Variants in GALNTL6 observed in about 807,000 individuals in gnomAD.
GALNTL6 encodes polypeptide N-acetylgalactosaminyltransferase like 6.
A neutral mutation model predicts 73.7 loss-of-function variants in GALNTL6; 46 were observed. The observed-to-expected ratio is 0.62, with a 90% CI of 0.49 to 0.80. The LOEUF (loss-of-function observed/expected upper bound fraction) is 0.80. Ranked by LOEUF, GALNTL6 falls within the 30% of genes least tolerant of loss-of-function variation. The probability of loss-of-function intolerance (pLI) is 0.00; values close to 1 mark genes in which losing one functional copy is unlikely to be tolerated. For missense variants in GALNTL6, 604 were observed against 755.0 expected (o/e 0.80, Z 2.34); for synonymous variants, 259 against 263.7 (o/e 0.98, Z 0.17).
intron 2 of GALNTL6, among the ~76,000 whole-genome samples, chr4:172,225,344 T>C (rs76610168): frequency 0.01 from 1,530 of 152,050 alleles, 28 homozygotes; most frequent in African/African-American, 0.035. Context: ...CTAGTCTTTA[T>C]ATTGGTCATC....
chr4:172,619,397 G>A (rs1257710391), intron 5 of GALNTL6, among the ~76,000 whole-genome samples: 1 of 152,026 alleles, frequency 6.6e-6, no homozygotes, highest in Non-Finnish European at 1.5e-5. Context: ...TTTTCATTCT[G>A]CCAATTCATT....
chr4:172,097,459 A>T (rs147448928), intron 2 of GALNTL6, among the ~76,000 whole-genome samples: 30 of 152,274 alleles, frequency 2.0e-4, no homozygotes, highest in African/African-American at 7.0e-4. Flanking sequence ...TGAGAGTGGA[A>T]CTTCTGGGAA....
Position 172,511,875 on chromosome 4 carries a change from G to A in GALNTL6, c.553+163186G>A, listed in dbSNP as rs1365506568. ...AGTCTATCATATAGTCTATCTTGGAGAATGTTCCATGAGCTGATAAATGAG... is the reference window on the plus strand; with the variant it reads ...AGTCTATCATATAGTCTATCTTGGAAAATGTTCCATGAGCTGATAAATGAG... On this transcript the variant is annotated intron_variant, in intron 5 of 12. Transcript: ENST00000506823. Among the ~76,000 whole-genome samples, 3 of 55,116 alleles carry A rather than the reference G, an allele frequency of 5.4e-5. 1 individual carries two copies. The highest frequency in any genetic ancestry group is 1.4e-4 in the African/African-American group (3 of 22,176). The allele number at this position is 55,116 out of a possible 152,430, so 36.2% of individuals were successfully genotyped here.
At chr4:172,912,052 A>G (rs1457400929) in intron 8 of GALNTL6, among the ~76,000 whole-genome samples, 1 of 152,158 alleles carries the variant, frequency 6.6e-6, no homozygotes, top group Non-Finnish European at 1.5e-5. Flanking sequence ...TAATCATGCT[A>G]ATGCTTCTAA....
At chr4:172,613,335 C>G (rs961921756) in intron 5 of GALNTL6, among the ~76,000 whole-genome samples, 1 of 151,912 alleles carries the variant, frequency 6.6e-6, no homozygotes, top group Non-Finnish European at 1.5e-5. Flanking sequence ...AAGGCAGAGA[C>G]TTGGAGAAGA....
intron 5 of GALNTL6, among the ~76,000 whole-genome samples, chr4:172,455,810 G>A (rs763587921): frequency 6.6e-6 from 1 of 152,210 alleles, no homozygotes; most frequent in African/African-American, 2.4e-5. Flanking sequence ...TGGCTCTGAA[G>A]AGAGGAATAG....
intron 5 of GALNTL6, among the ~76,000 whole-genome samples, chr4:172,633,427 T>A (rs1739502636): frequency 6.6e-6 from 1 of 152,230 alleles, no homozygotes; most frequent in African/African-American, 2.4e-5. Flanking sequence ...TGAAGTTGCA[T>A]GGGGCTGGTA....
At chr4:172,587,030 CATAAAA>C (rs1737438203) in intron 5 of GALNTL6, among the ~76,000 whole-genome samples, 2 of 152,114 alleles carry the variant, frequency 1.3e-5, no homozygotes, top group Non-Finnish European at 2.9e-5. Context: ...TGCTTACAAG[CATAAAA>C]TTATTGTAAT....
At chr4:171,957,314 A>C (rs932068314) in intron 2 of GALNTL6, among the ~76,000 whole-genome samples, 1 of 152,216 alleles carries the variant, frequency 6.6e-6, no homozygotes, top group African/African-American at 2.4e-5. Flanking sequence ...TCCCTAAGCA[A>C]TTGTCAAAAA....
intron 5 of GALNTL6, among the ~76,000 whole-genome samples, chr4:172,394,206 T>C: frequency 6.6e-6 from 1 of 152,066 alleles, no homozygotes; most frequent in Non-Finnish European, 1.5e-5. Context: ...AATAATTAGC[T>C]AACATTAAAC....
chr4:172,268,999 A>C (rs781221645), intron 3 of GALNTL6, among the ~76,000 whole-genome samples: 1 of 152,166 alleles, frequency 6.6e-6, no homozygotes, highest in Non-Finnish European at 1.5e-5. Context: ...TTAGTCAGAA[A>C]GGGAGATGAG....
chr4:172,361,546 C>T (rs1379060983), intron 5 of GALNTL6, among the ~76,000 whole-genome samples: 1 of 152,134 alleles, frequency 6.6e-6, no homozygotes, highest in African/African-American at 2.4e-5. Flanking sequence ...GATTCTGGGT[C>T]TGTACTTAGC....
chr4:172,083,500 C>G (rs575164569), intron 2 of GALNTL6, among the ~76,000 whole-genome samples: 11 of 152,230 alleles, frequency 7.2e-5, no homozygotes, highest in Non-Finnish European at 1.5e-4. Flanking sequence ...ATGTTCTTGG[C>G]CCAGGGCCTT....
At chr4:171,952,258 G>A (rs1428785211) in intron 2 of GALNTL6, among the ~76,000 whole-genome samples, 1 of 151,372 alleles carries the variant, frequency 6.6e-6, no homozygotes, top group Non-Finnish European at 1.5e-5. Flanking sequence ...GTCAAAAAGA[G>A]ATTGAAAATA....
chr4:172,330,697 T>A (rs1279197780), intron 4 of GALNTL6, among the ~76,000 whole-genome samples: 1 of 152,206 alleles, frequency 6.6e-6, no homozygotes, highest in African/African-American at 2.4e-5. Context: ...TAAGCTTCAC[T>A]GAGCTTTTGA....
At chr4:172,942,983 C>T (rs1044583351) in intron 9 of GALNTL6, among the ~76,000 whole-genome samples, 42 of 152,190 alleles carry the variant, frequency 2.8e-4, no homozygotes, top group East Asian at 2.7e-3. Flanking sequence ...AAATCAATCA[C>T]GTAAAATTAT....
At chr4:172,735,520 A>T (rs1348788710) in intron 5 of GALNTL6, among the ~76,000 whole-genome samples, 3 of 152,126 alleles carry the variant, frequency 2.0e-5, no homozygotes, top group East Asian at 3.9e-4. Context: ...CTTGTCTCTG[A>T]TGAGAACTTG....
intron 5 of GALNTL6, among the ~76,000 whole-genome samples, chr4:172,785,539 A>G (rs1362700954): frequency 1.3e-5 from 2 of 151,998 alleles, no homozygotes; most frequent in African/African-American, 2.4e-5. Context: ...TACTCGAGTT[A>G]TAGCATAAAA....
chr4:172,850,929 T>A (rs987736771), intron 7 of GALNTL6, among the ~76,000 whole-genome samples: 25 of 152,200 alleles, frequency 1.6e-4, no homozygotes, highest in African/African-American at 5.3e-4. Context: ...TGTCCTCAGG[T>A]GCACCATCTT....
Sources: gnomAD v4.1 joint callset for allele counts (sites outside exome capture counted in the v4.1 genomes callset) on GRCh38, gnomAD v4.1.1 for gene constraint, MANE v1.5 for transcripts, NCBI Gene and HGNC (gene_info 2026-07-23, HGNC 2026-07-21) for gene names.